The following ILDR2 variants were observed in gnomAD, a reference collection of about 807,000 sequenced individuals.
The protein encoded by ILDR2 is immunoglobulin-like domain-containing receptor 2.
A neutral mutation model predicts 66.8 loss-of-function variants in ILDR2; 25 were observed. The ratio of observed to expected loss-of-function variants is 0.37; its 90% CI spans 0.27 to 0.52. The LOEUF is 0.52. ILDR2 is among the 20% of genes least tolerant of loss of function. The pLI is 0.88. For missense variants in ILDR2, 827 were observed against 876.8 expected, an observed-to-expected ratio of 0.94 and a Z score of 0.72; for synonymous variants, 367 against 357.2, an observed-to-expected ratio of 1.03 and a Z score of -0.31.
intron 9 of ILDR2, among the ~76,000 whole-genome samples, chr1:166,920,107 T>G (rs1182401570): frequency 1.3e-5 from 2 of 152,138 alleles, no homozygotes; most frequent in East Asian, 3.8e-4. Flanking sequence ...AAAGAGACAA[T>G]GAACTGGATA....
chr1:166,972,254 A>C (rs868602470), intron 1 of ILDR2, among the ~76,000 whole-genome samples: 4 of 152,080 alleles, frequency 2.6e-5, no homozygotes, highest in Non-Finnish European at 5.9e-5. Context: ...TAATTCATCA[A>C]GCAATCTTTG....
rs766151758 is a variant in ILDR2, at chr1:166,921,240, C to T, written c.1351G>A (p.Ala451Thr). 1.3e-6 allele frequency: 2 copies of T among 1,597,060 alleles called. No individual in the cohort carries two copies. The highest frequency in any genetic ancestry group is 4.5e-5 in the East Asian group (2 of 44,572). The stretch of plus-strand genomic sequence containing the variant: ...CGCTCGAAGCGGCTCCCGCCCCGCG[C>T]CTCGTGACTGTTGCCGTCTGCCCGG... ...PRRADGNSHE[A>T]RGGSRFERSE... Residue 451 changes from alanine (A) to threonine (T), a missense_variant, in exon 9 of 10, where the codon GCG becomes ACG. Around this residue, in one of 2 missense-constraint regions of ILDR2, gnomAD observed 390 missense variants for 353.6 expected, o/e 1.10. Coordinates refer to ENST00000271417, the MANE Select transcript of ILDR2 (RefSeq NM_199351.3). The surrounding 1 kb of genome is among the most constrained non-coding windows in gnomAD (Gnocchi z 5.3).
At chr1:166,903,886 G>T (rs72705592), downstream of ILDR2, among the ~76,000 whole-genome samples, 1,226 of 152,272 alleles carry the variant, frequency 8.1e-3, 9 homozygotes, top group Admixed American at 0.012. Flanking sequence ...GTAACAGTTT[G>T]AAAATGTCCC....
At chr1:166,956,112 TGAG>T (rs1002836644) in intron 3 of ILDR2, among the ~76,000 whole-genome samples, 2 of 152,232 alleles carry the variant, frequency 1.3e-5, no homozygotes, top group Non-Finnish European at 2.9e-5. Context: ...TTTTCATTTA[TGAG>T]GAGATTAATA....
intron 1 of ILDR2, among the ~76,000 whole-genome samples, chr1:166,959,327 A>G (rs1662471055): frequency 6.6e-6 from 1 of 152,118 alleles, no homozygotes; most frequent in Admixed American, 6.5e-5. Context: ...CAGACTCGTC[A>G]GGTGTGGAAG....
In ILDR2 at chr1:166,935,514, G is replaced by A. The variant is rs558150785; in HGVS notation, c.704-37C>T. ...GATCAAGAGCAAGAGAGATTACGTCGTCCCACCCTCCACAACCCTCACACC... is the reference window on the plus strand; with the variant it reads ...GATCAAGAGCAAGAGAGATTACGTCATCCCACCCTCCACAACCCTCACACC... On this transcript the variant is annotated intron_variant, in intron 5 of 9. Coordinates refer to ENST00000271417, the MANE Select transcript of ILDR2 (RefSeq NM_199351.3). The A allele has an allele frequency of 1.4e-4, 213 of 1,512,642 alleles. 2 individuals are homozygous for A. The South Asian group carries it at 1.5e-3, about 11-fold the overall frequency. The allele number at this position is 1,512,642 out of a possible 1,614,324, so 93.7% of individuals were successfully genotyped here. A position where few individuals can be genotyped will look rare whatever the true frequency, so the allele number is the denominator to read the frequency against.
intron 2 of ILDR2, among the ~76,000 whole-genome samples, chr1:166,897,772 T>C (rs1391075672): frequency 2.6e-5 from 4 of 152,232 alleles, no homozygotes; most frequent in African/African-American, 7.2e-5. Flanking sequence ...CCCCAGGCTT[T>C]GTTCTATGCA....
At chr1:166,923,302 A>C (rs1264339214) in intron 7 of ILDR2, among the ~76,000 whole-genome samples, 1 of 152,180 alleles carries the variant, frequency 6.6e-6, no homozygotes, top group Non-Finnish European at 1.5e-5. Context: ...CAGTACTGCC[A>C]TATGCTGTAG....
Position 166,919,110 on chromosome 1 carries a change from T to G in ILDR2, c.*245A>C. On this transcript the variant is annotated 3_prime_UTR_variant, in exon 10 of 10. Transcript: ENST00000271417. ...GATAAACGCTATAGTTGAGAAACTC[T>G]GTATGTAGGAATGTTCTCACACATT... The G allele has an allele frequency of 3.8e-6, 2 of 520,418 alleles. No individual in the cohort carries two copies. Among genetic ancestry groups the G allele is most frequent in the Non-Finnish European group, 6.9e-6 (2 of 291,158 alleles). 32.2% of individuals were successfully genotyped at this position (520,418 alleles called of 1,614,324 possible).
rs1200271982 is a variant in ILDR2 at position 166,909,770 on chromosome 1, AATATATATATTTATATATAT to A, written c.*9565_*9584del. The A allele has an allele frequency of 3.0e-3, 197 of 66,210 alleles. 4 individuals are homozygous for A. In the East Asian group the frequency reaches 0.098, roughly 33 times the overall value. The allele number at this position is 66,210 out of a possible 1,614,324, so 4.1% of individuals were successfully genotyped here. On this transcript the variant is annotated 3_prime_UTR_variant, in exon 10 of 10. Coordinates refer to ENST00000271417, the MANE Select transcript of ILDR2 (RefSeq NM_199351.3). ...ATATATATATATATAAATATATATA[AATATATATATTTATATATAT>A]ATATATATATATATATCCTTCTAGC...
intron 6 of ILDR2, among the ~76,000 whole-genome samples, chr1:166,931,302 C>A (rs1024562824): frequency 2.0e-5 from 3 of 152,152 alleles, no homozygotes; most frequent in Non-Finnish European, 4.4e-5. Flanking sequence ...ATGGATATAG[C>A]CTTGTTCTTC....
chr1:166,960,261 C>G (rs1662532144), intron 1 of ILDR2, among the ~76,000 whole-genome samples: 1 of 152,100 alleles, frequency 6.6e-6, no homozygotes, highest in South Asian at 2.1e-4. Flanking sequence ...TGGACCTACC[C>G]TGTGCTCAAT....
chr1:166,920,701 T>C lies in ILDR2; in HGVS notation c.1884+6A>G. On this transcript the variant is annotated splice_donor_region_variant and intron_variant, in intron 9 of 9. Transcript: ENST00000271417. ...CTCGGAGGAGGGGAGGCAGACGCAG[T>C]CTCACGGTTTTCTTGGCGGGCTCCT... 2 of 1,395,444 alleles carry C rather than the reference T, an allele frequency of 1.4e-6. No homozygotes were observed. The highest frequency in any genetic ancestry group is 1.9e-6 in the Non-Finnish European group (2 of 1,069,952). 86.4% of individuals were successfully genotyped at this position (1,395,444 alleles called of 1,614,324 possible). A position where few individuals can be genotyped will look rare whatever the true frequency, so the allele number is the denominator to read the frequency against.
chr1:166,920,873 G>A lies in ILDR2; in HGVS notation c.1718C>T (p.Thr573Ile). The change falls in exon 9 of 10, where the codon ACC (threonine) becomes ATC (isoleucine). Residue 573 changes from threonine to isoleucine, a missense_variant. This residue lies in a region of ILDR2 where 390 missense variants were observed against 353.6 expected (regional missense o/e 1.10). Transcript: ENST00000271417. ...ASYYAWSPPG[T>I]YKAGSSQDDQ... ...GTCCTGCGACGAGCCGGCCTTGTAGGTGCCGGGCGGCGACCAAGCGTAGTA... is the reference window on the plus strand; with the variant it reads ...GTCCTGCGACGAGCCGGCCTTGTAGATGCCGGGCGGCGACCAAGCGTAGTA... 1.3e-6 allele frequency: 2 copies of A among 1,496,206 alleles called. No homozygotes were observed. The highest frequency in any genetic ancestry group is 1.8e-6 in the Non-Finnish European group (2 of 1,127,514). The allele number at this position is 1,496,206 out of a possible 1,614,324, so 92.7% of individuals were successfully genotyped here.
intron 2 of ILDR2, among the ~76,000 whole-genome samples, chr1:166,902,004 G>A (rs1659273249): frequency 6.6e-6 from 1 of 152,204 alleles, no homozygotes; most frequent in Non-Finnish European, 1.5e-5. Context: ...GGGATTACAG[G>A]CATGTGCCAG....
chr1:166,921,562 G>A lies in ILDR2; in HGVS notation c.1212-183C>T. ...TCACACCCCAGAACGTCAAGTAGGG[G>A]CAACCGAGTCTATTCCACTCGTGTG... On this transcript the variant is annotated intron_variant, in intron 8 of 9. Coordinates refer to ENST00000271417, the MANE Select transcript of ILDR2 (RefSeq NM_199351.3). The surrounding 1 kb of genome is among the most constrained non-coding windows in gnomAD (Gnocchi z 5.3). Among the ~76,000 whole-genome samples the A allele has an allele frequency of 1.3e-5, 2 of 152,212 alleles. No homozygotes were observed. The highest frequency in any genetic ancestry group is 3.9e-4 in the East Asian group (2 of 5,186).
chr1:166,970,706 A>G (rs1663236580), intron 1 of ILDR2, among the ~76,000 whole-genome samples: 1 of 152,188 alleles, frequency 6.6e-6, no homozygotes, highest in African/African-American at 2.4e-5. Context: ...TCAATTCTAT[A>G]TAAACTAGCC....
rs560870024 is a variant in ILDR2 at position 166,914,704 on chromosome 1, T to C, written c.*4651A>G. ...TTAAATGCCCCTTCTTCAAGCTTCA[T>C]AGATCAATTCCCCAGATGACTAGGG... is the stretch of plus-strand genomic sequence containing the variant. On this transcript the variant is annotated 3_prime_UTR_variant, in exon 10 of 10. Transcript: ENST00000271417. The C allele has an allele frequency of 1.3e-5, 2 of 152,366 alleles. No individual in the cohort carries two copies. Among genetic ancestry groups the C allele is most frequent in the South Asian group, 4.1e-4 (2 of 4,828 alleles). 9.4% of individuals were successfully genotyped at this position (152,366 alleles called of 1,614,324 possible).
intron 2 of ILDR2, among the ~76,000 whole-genome samples, chr1:166,897,210 T>C (rs1659183150): frequency 6.6e-6 from 1 of 152,158 alleles, no homozygotes; most frequent in South Asian, 2.1e-4. Context: ...ACCTACACAG[T>C]GTCAGTAGAG....
Sources: gnomAD v4.1 joint callset for allele counts (sites outside exome capture counted in the v4.1 genomes callset) on GRCh38, gnomAD v4.1.1 for gene constraint, gnomAD v4.1.1 regional missense constraint, Gnocchi (gnomAD v3.1) non-coding constraint, MANE v1.5 for transcripts, NCBI Gene and HGNC (gene_info 2026-07-23, HGNC 2026-07-21) for gene names.